CNBD1: variants seen among roughly 807,000 people sequenced by gnomAD.
CNBD1 encodes cyclic nucleotide-binding domain-containing protein 1.
In CNBD1, 71 loss-of-function variants were observed where a neutral mutation model predicts 54.4. That is an observed-to-expected ratio of 1.30 (90% confidence interval 1.08 to 1.59). The LOEUF (loss-of-function observed/expected upper bound fraction) is 1.59, where lower values mean the gene tolerates loss of function less well. CNBD1 is among the 40% of genes most tolerant of loss of function. CNBD1 has a pLI of 0.00. For missense variants in CNBD1, 659 were observed against 518.0 expected, an observed-to-expected ratio of 1.27 and a Z score of -2.64; for synonymous variants, 182 against 170.7, an observed-to-expected ratio of 1.07 and a Z score of -0.51.
At chr8:87,377,394 T>C (rs182443449) in intron 10 of CNBD1, among the ~76,000 whole-genome samples, 1 of 150,322 alleles carries the variant, frequency 6.7e-6, no homozygotes, top group Non-Finnish European at 1.5e-5. Flanking sequence ...TGAGTGAGAA[T>C]ATGCGGTGTT....
chr8:87,261,530 A>C (rs937765201), intron 6 of CNBD1, among the ~76,000 whole-genome samples: 1 of 18,456 alleles, frequency 5.4e-5, no homozygotes, highest in Non-Finnish European at 1.2e-4. Context: ...ATTTATAGAC[A>C]AAAAAAAAAA....
rs1809532443 is a variant in CNBD1, at chr8:86,935,505, AT to A, written c.273-4090del. On this transcript the variant is annotated intron_variant, in intron 3 of 10. Transcript: ENST00000518476. ...TTTGTAGTTTTGTAAGTATTTGTTC[AT>A]CTAAATTTTCAAATTTATTGGCATG... Among the ~76,000 whole-genome samples the A allele has an allele frequency of 2.6e-5, 4 of 152,284 alleles. No individual in the cohort carries two copies. The South Asian group carries it at 8.3e-4, about 32-fold the overall frequency.
chr8:87,340,034 C>T (rs1017612784), intron 8 of CNBD1, among the ~76,000 whole-genome samples: 1 of 152,076 alleles, frequency 6.6e-6, no homozygotes, highest in Non-Finnish European at 1.5e-5. Context: ...TTCAATTTAA[C>T]TTGAAGGACT....
chr8:87,015,022 G>A (rs1177604092), intron 4 of CNBD1, among the ~76,000 whole-genome samples: 1 of 152,140 alleles, frequency 6.6e-6, no homozygotes, highest in Non-Finnish European at 1.5e-5. Context: ...AATAAGGTTA[G>A]TAAAATGAAT....
chr8:87,275,593 G>A (rs200381186), intron 6 of CNBD1, among the ~76,000 whole-genome samples: 2 of 150,902 alleles, frequency 1.3e-5, no homozygotes, highest in Non-Finnish European at 3.0e-5. Context: ...AGAGCTATCT[G>A]TGACAAACCC....
Position 87,286,563 on chromosome 8 carries a change from CA to C in CNBD1, c.938del (p.Lys313SerfsTer2). 1 of 1,453,544 alleles carries C rather than the reference CA, an allele frequency of 6.9e-7. No individual in the cohort carries two copies. The highest frequency in any genetic ancestry group is 9.4e-7 in the Non-Finnish European group (1 of 1,059,402). 90.0% of individuals were successfully genotyped at this position (1,453,544 alleles called of 1,614,324 possible). On this transcript the variant is annotated frameshift_variant, in exon 8 of 11. Coordinates refer to ENST00000518476, the MANE Select transcript of CNBD1 (RefSeq NM_173538.3). LOFTEE classifies it high-confidence loss of function. ...GGAAAAAATAAAACTTGAAAATATG[CA>C]AAAGTTGAAATTAATCCGTATGTGT... Reference protein sequence around the residue: ...KEEKIKLENMQKLKLIRMCPY... With the variant: ...KEEKIKLENMXKLKLIRMCPY...
intron 4 of CNBD1, among the ~76,000 whole-genome samples, chr8:87,117,776 A>G (rs2130711769): frequency 6.6e-6 from 1 of 152,318 alleles, no homozygotes; most frequent in East Asian, 1.9e-4. Flanking sequence ...AGGTACTCCA[A>G]ATATTTGGCT....
chr8:87,241,268 ATTTTTTT>A (rs34829455), intron 6 of CNBD1, among the ~76,000 whole-genome samples: 36 of 93,854 alleles, frequency 3.8e-4, no homozygotes, highest in Middle Eastern at 8.3e-3. Context: ...TATTTGGAAG[ATTTTTTT>A]TTTTTTTTTT....
intron 8 of CNBD1, among the ~76,000 whole-genome samples, chr8:87,326,491 C>A (rs1390011091): frequency 8.2e-6 from 1 of 122,146 alleles, no homozygotes; most frequent in South Asian, 2.4e-4. Flanking sequence ...TTCTTGGAGG[C>A]TTTGCTCATT....
chr8:87,341,712 G>T, intron 8 of CNBD1, among the ~76,000 whole-genome samples: 1 of 152,232 alleles, frequency 6.6e-6, no homozygotes, highest in South Asian at 2.1e-4. Context: ...GTGAAGAAAA[G>T]TGTTTCCTGT....
At chr8:86,906,448 A>G (rs1446540017) in intron 3 of CNBD1, among the ~76,000 whole-genome samples, 1 of 151,594 alleles carries the variant, frequency 6.6e-6, no homozygotes, top group Non-Finnish European at 1.5e-5. Context: ...TTTTTCCAAG[A>G]CTGTATCTAT....
At chr8:87,308,103 A>G (rs1688883878) in intron 8 of CNBD1, among the ~76,000 whole-genome samples, 1 of 152,130 alleles carries the variant, frequency 6.6e-6, no homozygotes, top group Non-Finnish European at 1.5e-5. Flanking sequence ...CCCTGTGAAA[A>G]AGTCCCTTTT....
chr8:87,189,136 G>A (rs924509629), intron 4 of CNBD1, among the ~76,000 whole-genome samples: 2 of 152,104 alleles, frequency 1.3e-5, no homozygotes, highest in African/African-American at 2.4e-5. Flanking sequence ...TGATTATTGT[G>A]TTTATGGCTG....
At chr8:87,356,644 AT>A (rs1810425518) in intron 10 of CNBD1, among the ~76,000 whole-genome samples, 1 of 152,200 alleles carries the variant, frequency 6.6e-6, no homozygotes, top group African/African-American at 2.4e-5. Context: ...GGAAATTATA[AT>A]TAAAAAGGAA....
Position 87,341,421 on chromosome 8 carries a change from G to T in CNBD1, c.1043-10264G>T, listed in dbSNP as rs566762954. On this transcript the variant is annotated intron_variant, in intron 8 of 10. Transcript: ENST00000518476. ...CATCCCTAGGGGGAAACTGGTTGCT[G>T]GGAGTTTTCTCTTAATCACATAGTG... Among the ~76,000 whole-genome samples the T allele has an allele frequency of 3.9e-5, 6 of 152,248 alleles. No individual in the cohort carries two copies. The East Asian group carries it at 1.2e-3, about 29-fold the overall frequency.
chr8:87,382,902 C>A, downstream of CNBD1: 1 of 311,496 alleles, frequency 3.2e-6, no homozygotes, highest in Non-Finnish European at 5.7e-6. Context: ...TTTCGGTATA[C>A]ATGTAAAGTA....
intron 2 of CNBD1, among the ~76,000 whole-genome samples, chr8:87,392,076 G>C (rs1331589562): frequency 6.6e-6 from 1 of 152,018 alleles, no homozygotes; most frequent in Non-Finnish European, 1.5e-5. Flanking sequence ...CTAGTTATTA[G>C]GAAGATGAAA....
At chr8:87,029,380 T>A (rs10955171) in intron 4 of CNBD1, among the ~76,000 whole-genome samples, 4,555 of 152,248 alleles carry the variant, frequency 0.03, 234 homozygotes, top group African/African-American at 0.1. Context: ...TTTCAAAGGC[T>A]TACTAATTTA....
intron 4 of CNBD1, among the ~76,000 whole-genome samples, chr8:86,980,261 G>A (rs2130507322): frequency 6.6e-6 from 1 of 152,362 alleles, no homozygotes; most frequent in South Asian, 2.1e-4. Context: ...ACTGGGAGAA[G>A]TATTGCTTGC....
Sources: allele counts gnomAD v4.1 joint callset (sites outside exome capture counted in the v4.1 genomes callset), GRCh38; gene constraint gnomAD v4.1.1; transcripts MANE v1.5; gene names NCBI Gene and HGNC (gene_info 2026-07-23, HGNC 2026-07-21).